ANKS3: variants seen among roughly 807,000 people sequenced by gnomAD.
ANKS3 encodes the protein ankyrin repeat and sterile alpha motif domain containing 3.
ANKS3 carries 62 observed loss-of-function variants against 80.7 expected under a neutral mutation model. That is an observed-to-expected ratio of 0.77 (90% CI 0.63 to 0.95). The LOEUF is 0.95. Ranked by LOEUF, ANKS3 falls within the 40% of genes least tolerant of loss-of-function variation. The pLI, the probability that ANKS3 is intolerant of heterozygous loss-of-function variation, is 0.00. For missense variants in ANKS3, 1,150 were observed against 883.6 expected, an observed-to-expected ratio of 1.30 and a Z score of -3.82; for synonymous variants, 489 against 355.3, an observed-to-expected ratio of 1.38 and a Z score of -4.23.
At chr16:4,727,345 A>G (rs2081406716) in intron 3 of ANKS3, 168 bp from the exon 4 acceptor site, 2 of 683,716 alleles carry the variant, frequency 2.9e-6, no homozygotes, top group Non-Finnish European at 2.5e-6. Context: ...AAATGCTGAC[A>G]GTTGCTCGTA....
In ANKS3 at chr16:4,724,794, C is replaced by A. The variant is rs975983641; in HGVS notation, c.529G>T (p.Ala177Ser). 1 of 1,614,148 alleles carries A rather than the reference C, an allele frequency of 6.2e-7. No homozygotes were observed. Among genetic ancestry groups the A allele is most frequent in the South Asian group, 1.1e-5 (1 of 91,066 alleles). Reference sequence around the variant, plus strand: ...ACGATTATCTCATGGCCAGCAGCAGCTGCTTCCATCAAGGGAGTAAATCCA... The same window carrying A: ...ACGATTATCTCATGGCCAGCAGCAGATGCTTCCATCAAGGGAGTAAATCCA... ...ICGFTPLMEA[A>S]AAGHEIIVQY... The change falls in exon 6 of 18, where the codon GCT becomes TCT. Residue 177 changes from alanine (A) to serine (S), a missense_variant. By Grantham distance (99) the Ala-to-Ser change is moderately conservative. Coordinates refer to ENST00000304283, the MANE Select transcript of ANKS3 (RefSeq NM_133450.4).
intron 7 of ANKS3, among the ~76,000 whole-genome samples, chr16:4,711,677 C>T (rs2080492559): frequency 6.8e-6 from 1 of 146,758 alleles, no homozygotes; most frequent in South Asian, 2.2e-4. Context: ...AAGATCGAGC[C>T]ACTGCACTCC....
Position 4,723,703 on chromosome 16 carries a change from T to C in ANKS3, c.573+1047A>G, listed in dbSNP as rs960976591. ...TATATTTTGTTTATCAATTCCTCAG[T>C]AGATGGACTTGTGGGTTTTTCTACT... On this transcript the variant is annotated intron_variant, in intron 6 of 17. Transcript: ENST00000304283. Among the ~76,000 whole-genome samples the C allele has an allele frequency of 1.1e-4, 16 of 152,334 alleles. No individual in the cohort carries two copies. In the East Asian group the frequency reaches 3.1e-3, roughly 29 times the overall value.
chr16:4,702,813 A>C (rs2079988988), intron 8 of ANKS3, among the ~76,000 whole-genome samples: 1 of 152,118 alleles, frequency 6.6e-6, no homozygotes, highest in South Asian at 2.1e-4. Context: ...TATACCAGGC[A>C]ATTTCACTCC....
rs115696474 is a variant in ANKS3, at chr16:4,710,486, T to C, written c.709+3565A>G. Among the ~76,000 whole-genome samples, 259 of 152,244 alleles carry C rather than the reference T, an allele frequency of 1.7e-3. 3 individuals are homozygous for C. The highest frequency in any genetic ancestry group is 5.8e-3 in the African/African-American group (242 of 41,570). On this transcript the variant is annotated intron_variant, in intron 7 of 17. Transcript: ENST00000304283. ...ACTTTGGGAGGCTGAGGCGGGTGGA[T>C]TGCTTGAGCTCAGGACTCTTGAGAC...
intron 1 of ANKS3, among the ~76,000 whole-genome samples, chr16:4,733,386 G>A (rs1379509949): frequency 5.3e-5 from 8 of 151,788 alleles, no homozygotes; most frequent in Admixed American, 1.3e-4. Context: ...CCGCCTCCTG[G>A]GTTCAAGCGA....
At chr16:4,718,753 C>A (rs1197192991) in intron 6 of ANKS3, among the ~76,000 whole-genome samples, 6 of 152,200 alleles carry the variant, frequency 3.9e-5, no homozygotes, top group Admixed American at 3.3e-4. Flanking sequence ...TGCCCCATCC[C>A]CCAAAGCAGT....
intron 7 of ANKS3, among the ~76,000 whole-genome samples, chr16:4,705,607 G>A (rs2080143536): frequency 6.6e-6 from 1 of 151,978 alleles, no homozygotes; most frequent in African/African-American, 2.4e-5. Flanking sequence ...TGCGGTTACA[G>A]ATGCGTGCCA....
chr16:4,697,892 A>C, intron 15 of ANKS3, 85 bp downstream of exon 15: 1 of 1,255,486 alleles, frequency 8.0e-7, no homozygotes, highest in Non-Finnish European at 1.1e-6. Context: ...CCGGAGAACC[A>C]GGCCAAGCCC....
In ANKS3 at chr16:4,727,099, T is replaced by G; in HGVS notation, c.249A>C (p.Thr83=). The G allele has an allele frequency of 1.2e-6, 2 of 1,614,170 alleles. No homozygotes were observed. The highest frequency in any genetic ancestry group is 1.7e-6 in the Non-Finnish European group (2 of 1,180,028). ...LMYASYIGHD[T]IVHLLLEAGV... ...CCGCCTCAAGCAGCAGGTGCACGAT[T>G]GTGTCGTGGCCAATGTAGGAGGCAT... Residue 83 remains threonine (T), a synonymous_variant, in exon 4 of 18, where the codon ACA becomes ACC. Coordinates refer to ENST00000304283, the MANE Select transcript of ANKS3 (RefSeq NM_133450.4).
intron 10 of ANKS3, 78 bp from the exon 11 acceptor site, chr16:4,701,212 G>T: frequency 6.3e-7 from 1 of 1,597,638 alleles, no homozygotes; most frequent in Non-Finnish European, 8.5e-7. Context: ...CCGCCACACA[G>T]GGGCTTGAGA....
chr16:4,711,459 C>G (rs912770190), intron 7 of ANKS3, among the ~76,000 whole-genome samples: 3 of 151,612 alleles, frequency 2.0e-5, no homozygotes, highest in Non-Finnish European at 4.4e-5. Flanking sequence ...TGGCTCACAC[C>G]TATAATCCCA....
Position 4,734,096 on chromosome 16 carries a change from C to G in ANKS3, c.-229G>C, listed in dbSNP as rs1335609785. ...AGTGCAGCGCGGGACGCCCGAGCGC[C>G]GGGTCTAGGCGGGCTGCAGGTGCCG... On this transcript the variant is annotated 5_prime_UTR_variant, in exon 1 of 18. Transcript: ENST00000304283. 4 of 911,722 alleles carry G rather than the reference C, an allele frequency of 4.4e-6. No individual in the cohort carries two copies. Among genetic ancestry groups the G allele is most frequent in the Non-Finnish European group, 3.9e-6 (3 of 762,976 alleles). The allele number at this position is 911,722 out of a possible 1,614,324, so 56.5% of individuals were successfully genotyped here.
intron 6 of ANKS3, among the ~76,000 whole-genome samples, chr16:4,719,086 G>A (rs1215491206): frequency 6.6e-6 from 1 of 152,184 alleles, no homozygotes; most frequent in East Asian, 1.9e-4. Flanking sequence ...TGTAATCCCA[G>A]CGCTTTGGGA....
chr16:4,709,658 G>A (rs1380207798), intron 7 of ANKS3, among the ~76,000 whole-genome samples: 1 of 152,092 alleles, frequency 6.6e-6, no homozygotes, highest in East Asian at 1.9e-4. Context: ...ATCATTTGTG[G>A]CAACATGAAT....
chr16:4,701,653 G>T (rs962178955), intron 9 of ANKS3, 110 bp from the exon 10 acceptor site: 5 of 901,460 alleles, frequency 5.5e-6, no homozygotes, highest in Middle Eastern at 4.5e-4. Flanking sequence ...GGCCTGCAGC[G>T]GTTGCTTCCT....
chr16:4,697,122 T>TGA lies in ANKS3; in HGVS notation c.1895-20_1895-19dup, dbSNP rs772308778. 4.3e-6 allele frequency: 7 copies of TGA among 1,611,908 alleles called. No individual in the cohort carries two copies. Among genetic ancestry groups the TGA allele is most frequent in the Non-Finnish European group, 5.9e-6 (7 of 1,179,202 alleles). On this transcript the variant is annotated intron_variant, in intron 16 of 17. Transcript: ENST00000304283. ...TGCTTGCCCTGAGGAATGATGACCT[T>TGA]GAGCCTCTCCCGGCCAGGCTCAGGA...
chr16:4,729,527 A>C (rs3848377), intron 3 of ANKS3: 6,939 of 152,156 alleles, frequency 0.046, 496 homozygotes, highest in African/African-American at 0.16. Flanking sequence ...CACCCAGCTA[A>C]CTTTTATATT....
chr16:4,705,703 G>A (rs961793597), intron 7 of ANKS3, among the ~76,000 whole-genome samples: 8 of 151,078 alleles, frequency 5.3e-5, no homozygotes, highest in African/African-American at 1.5e-4. Context: ...CTCCTGATCT[G>A]CCTGCCTTGG....
Sources: gnomAD v4.1 joint callset for allele counts (sites outside exome capture counted in the v4.1 genomes callset) on GRCh38, gnomAD v4.1.1 for gene constraint, MANE v1.5 for transcripts, NCBI Gene and HGNC (gene_info 2026-07-23, HGNC 2026-07-21) for gene names.